The following TBC1D5 variants were observed in gnomAD, a reference collection of about 807,000 sequenced individuals.
TBC1D5 encodes the protein TBC1 domain family, member 5.
TBC1D5 carries 75 observed loss-of-function variants against 100.3 expected under a neutral mutation model. The observed-to-expected ratio is 0.75, with a 90% CI of 0.62 to 0.91. TBC1D5 has a LOEUF of 0.91. Among genes scored for constraint, TBC1D5 ranks in the 40% least tolerant of loss-of-function variants. The pLI is 0.00. For missense variants in TBC1D5, 910 were observed against 942.4 expected (o/e 0.97, Z 0.45); for synonymous variants, 323 against 325.6 (o/e 0.99, Z 0.09).
At chr3:17,158,743 G>A (rs1374301402) in exon 22 of TBC1D5, 1 of 152,220 alleles carries the variant, frequency 6.6e-6, no homozygotes, top group Non-Finnish European at 1.5e-5. Context: ...TTATTGGCAT[G>A]GTGGGTGCCT....
chr3:17,365,082 T>G (rs2092020404), intron 13 of TBC1D5, among the ~76,000 whole-genome samples: 1 of 152,194 alleles, frequency 6.6e-6, no homozygotes, highest in Non-Finnish European at 1.5e-5. Context: ...TAAGTAGACT[T>G]AAGATACAAA....
intron 3 of TBC1D5, among the ~76,000 whole-genome samples, chr3:17,498,454 C>T (rs937961364): frequency 1.3e-5 from 2 of 152,116 alleles, no homozygotes; most frequent in African/African-American, 2.4e-5. Flanking sequence ...ATTATCAAAG[C>T]TTTCGGTGAG....
chr3:17,722,731 T>C (rs913811116), intron 1 of TBC1D5, among the ~76,000 whole-genome samples: 24 of 152,188 alleles, frequency 1.6e-4, no homozygotes, highest in African/African-American at 5.8e-4. Flanking sequence ...CTCAGAACAG[T>C]TGTCACTTGA....
chr3:17,638,953 G>A (rs1447756931), intron 1 of TBC1D5, among the ~76,000 whole-genome samples: 4 of 151,966 alleles, frequency 2.6e-5, no homozygotes, highest in African/African-American at 9.7e-5. Context: ...AAAACAGCTG[G>A]GAAGTTTCTT....
chr3:17,338,086 A>G (rs1235497100), intron 13 of TBC1D5, among the ~76,000 whole-genome samples: 2 of 152,224 alleles, frequency 1.3e-5, no homozygotes, highest in African/African-American at 2.4e-5. Flanking sequence ...AACAAACTGA[A>G]TAACACGGTG....
chr3:17,437,630 G>C (rs1472371068), intron 3 of TBC1D5, among the ~76,000 whole-genome samples: 4 of 139,250 alleles, frequency 2.9e-5, no homozygotes, highest in African/African-American at 5.3e-5. Context: ...GGTAGAGAGA[G>C]AGAGAGAGAG....
intron 14 of TBC1D5, among the ~76,000 whole-genome samples, chr3:17,300,305 G>C (rs1378947247): frequency 6.6e-6 from 1 of 152,160 alleles, no homozygotes; most frequent in Non-Finnish European, 1.5e-5. Flanking sequence ...ATAAAACTTT[G>C]TGACATTACC....
At chr3:17,389,960 C>T (rs2093301080) in intron 8 of TBC1D5, among the ~76,000 whole-genome samples, 1 of 151,714 alleles carries the variant, frequency 6.6e-6, no homozygotes, top group African/African-American at 2.4e-5. Flanking sequence ...GAAAAAAATC[C>T]TTCATCAATT....
exon 1 of TBC1D5, chr3:17,740,214 G>A (rs1430674770): frequency 1.3e-5 from 2 of 151,812 alleles, no homozygotes; most frequent in Non-Finnish European, 2.9e-5. Context: ...TATAATCCTG[G>A]CTACCTGGGA....
intron 1 of TBC1D5, among the ~76,000 whole-genome samples, chr3:17,723,188 T>C (rs139455003): frequency 2.8e-4 from 42 of 152,282 alleles, no homozygotes; most frequent in African/African-American, 9.9e-4. Context: ...TTTGATTGTT[T>C]GTAATACAAA....
chr3:17,373,222 A>C (rs1020382675), intron 12 of TBC1D5, among the ~76,000 whole-genome samples: 9 of 152,190 alleles, frequency 5.9e-5, no homozygotes, highest in African/African-American at 1.9e-4. Context: ...GTAGGATGCC[A>C]ACCTCTGAGC....
At position 17,737,033 on chromosome 3, in the gene TBC1D5, A is replaced by T. The variant is rs1012095770; in HGVS notation, c.-101+2310T>A. Among the ~76,000 whole-genome samples, 5 of 152,012 alleles carry T rather than the reference A, an allele frequency of 3.3e-5. No homozygotes were observed. In the East Asian group the frequency reaches 9.7e-4, roughly 29 times the overall value. ...GTCTCAATTTAAAAAAAAGACAAAA[A>T]AAACACTTCCCACCTGTTGTGGGAA... is the stretch of plus-strand genomic sequence containing the variant. On this transcript the variant is annotated intron_variant, in intron 1 of 21. Coordinates refer to ENST00000253692, the Ensembl canonical transcript of TBC1D5.
At chr3:17,160,753 G>A (rs1194884553) in exon 22 of TBC1D5, 1 of 609,516 alleles carries the variant, frequency 1.6e-6, no homozygotes, top group African/African-American at 1.8e-5. Flanking sequence ...GGCCCAGAAA[G>A]CCCTGTCTGC....
chr3:17,595,947 C>T (rs1202171812), intron 2 of TBC1D5, among the ~76,000 whole-genome samples: 1 of 152,176 alleles, frequency 6.6e-6, no homozygotes, highest in African/African-American at 2.4e-5. Flanking sequence ...TTGTGCATCA[C>T]TATTAATGTC....
At chr3:17,467,083 C>T (rs2095312351) in intron 3 of TBC1D5, among the ~76,000 whole-genome samples, 1 of 151,852 alleles carries the variant, frequency 6.6e-6, no homozygotes, top group African/African-American at 2.4e-5. Context: ...TTTTCAGAAA[C>T]CCGTCAAGAG....
At chr3:17,385,871 T>C (rs1268526522) in intron 8 of TBC1D5, among the ~76,000 whole-genome samples, 2 of 151,954 alleles carry the variant, frequency 1.3e-5, no homozygotes, top group East Asian at 3.9e-4. Context: ...AATTAACTTC[T>C]AAAGAAGAGA....
At chr3:17,452,287 AG>A (rs2094946233) in intron 3 of TBC1D5, among the ~76,000 whole-genome samples, 1 of 152,170 alleles carries the variant, frequency 6.6e-6, no homozygotes, top group South Asian at 2.1e-4. Flanking sequence ...ACAAAATGGC[AG>A]GGGTAAGTCC....
chr3:17,689,363 C>T lies in TBC1D5; in HGVS notation c.-101+49980G>A, dbSNP rs182007918. On this transcript the variant is annotated intron_variant, in intron 1 of 21. Coordinates refer to ENST00000253692, the Ensembl canonical transcript of TBC1D5. Reference sequence around the variant, plus strand: ...GAGATCAGTGGACAACATGGCGAAACCCCGTCTATTCTAAAAATACAAAAA... The same window carrying T: ...GAGATCAGTGGACAACATGGCGAAATCCCGTCTATTCTAAAAATACAAAAA... 5.9e-4 allele frequency among the ~76,000 whole-genome samples: 89 copies of T among 151,868 alleles called. 1 individual carries two copies. The highest frequency in any genetic ancestry group is 2.1e-3 in the African/African-American group (86 of 41,442).
intron 1 of TBC1D5, among the ~76,000 whole-genome samples, chr3:17,639,532 A>G (rs183125490): frequency 6.6e-6 from 1 of 152,208 alleles, no homozygotes; most frequent in Non-Finnish European, 1.5e-5. Context: ...ACGAGCACAA[A>G]CTATTCCCCA....
Sources: gnomAD v4.1 joint callset for allele counts (sites outside exome capture counted in the v4.1 genomes callset) on GRCh38, gnomAD v4.1.1 for gene constraint, MANE v1.5 for transcripts, NCBI Gene and HGNC (gene_info 2026-07-23, HGNC 2026-07-21) for gene names.